MYH10: variants seen among roughly 807,000 people sequenced by gnomAD.
MYH10 encodes the protein myosin-10.
A neutral mutation model predicts 257.8 loss-of-function variants in MYH10; 55 were observed. The ratio of observed to expected loss-of-function variants is 0.21; its 90% CI spans 0.17 to 0.27. The LOEUF is 0.27. Ranked by LOEUF, MYH10 falls within the 10% of genes least tolerant of loss-of-function variation. MYH10 has a pLI of 1.00. For missense variants in MYH10, 1,631 were observed against 2,500.6 expected, an observed-to-expected ratio of 0.65 and a Z score of 7.42; for synonymous variants, 854 against 921.7, an observed-to-expected ratio of 0.93 and a Z score of 1.33.
chr17:8,604,639 AC>A (rs933533242), intron 3 of MYH10, among the ~76,000 whole-genome samples, 186 bp downstream of exon 3: 1 of 152,220 alleles, frequency 6.6e-6, no homozygotes, highest in Non-Finnish European at 1.5e-5. Context: ...TACTTATCAT[AC>A]TTACAGAAAA....
At chr17:8,590,871 G>C (rs1225030058) in intron 3 of MYH10, among the ~76,000 whole-genome samples, 3 of 16,138 alleles carry the variant, frequency 1.9e-4, no homozygotes, top group African/African-American at 2.9e-4. Flanking sequence ...TCTCAATGTC[G>C]CCTTTTTTTT....
At chr17:8,595,910 C>A (rs2084351767) in intron 3 of MYH10, among the ~76,000 whole-genome samples, 1 of 152,124 alleles carries the variant, frequency 6.6e-6, no homozygotes, top group Admixed American at 6.5e-5. Context: ...AAATAATGCT[C>A]TTTGTCCTTG....
At chr17:8,587,459 C>T (rs2083952776) in intron 4 of MYH10, among the ~76,000 whole-genome samples, 2 of 152,182 alleles carry the variant, frequency 1.3e-5, no homozygotes, top group African/African-American at 4.8e-5. Flanking sequence ...TTATTAAATA[C>T]CAAGTCTTCT....
intron 17 of MYH10, 30 bp downstream of exon 17, chr17:8,530,593 T>C: frequency 6.6e-7 from 1 of 1,513,422 alleles, no homozygotes; most frequent in Admixed American, 2.2e-5. Context: ...CCCTTCTGTT[T>C]TGGAAGACCT....
At chr17:8,498,195 A>G (rs1393886512) in intron 30 of MYH10, among the ~76,000 whole-genome samples, 2 of 151,898 alleles carry the variant, frequency 1.3e-5, no homozygotes, top group Non-Finnish European at 2.9e-5. Flanking sequence ...CATGTTGGCC[A>G]GGCTGGTCTC....
chr17:8,528,143 C>T (rs2151917358), intron 17 of MYH10, among the ~76,000 whole-genome samples: 1 of 152,332 alleles, frequency 6.6e-6, no homozygotes, highest in South Asian at 2.1e-4. Context: ...CATGGAGGTT[C>T]AAAGAGCCTA....
chr17:8,498,809 C>G (rs1167414360), intron 30 of MYH10, among the ~76,000 whole-genome samples: 1 of 152,094 alleles, frequency 6.6e-6, no homozygotes, highest in East Asian at 1.9e-4. Context: ...GATTGCGCCA[C>G]TGCACTCCAG....
At chr17:8,505,469 G>C (rs957457680) in intron 27 of MYH10, among the ~76,000 whole-genome samples, 2 of 152,280 alleles carry the variant, frequency 1.3e-5, no homozygotes, top group South Asian at 2.1e-4. Flanking sequence ...TGAGGTAAGG[G>C]AGATTTTTCT....
At chr17:8,608,253 G>T (rs552640469) in intron 2 of MYH10, among the ~76,000 whole-genome samples, 1 of 152,304 alleles carries the variant, frequency 6.6e-6, no homozygotes, top group South Asian at 2.1e-4. Context: ...GCCATACGGA[G>T]AACACATTGA....
intron 29 of MYH10, 49 bp from the exon 30 acceptor site, chr17:8,499,525 C>A: frequency 6.3e-7 from 1 of 1,577,784 alleles, no homozygotes; most frequent in South Asian, 1.1e-5. Context: ...TTCTAAAACT[C>A]CATACAGAGG....
chr17:8,616,947 A>G (rs374268080), intron 2 of MYH10, among the ~76,000 whole-genome samples: 1 of 152,326 alleles, frequency 6.6e-6, no homozygotes, highest in East Asian at 1.9e-4. Flanking sequence ...GAAATACAAC[A>G]GAGTCAAAAA....
At chr17:8,484,586 A>C (rs899355994) in intron 36 of MYH10, among the ~76,000 whole-genome samples, 1 of 152,252 alleles carries the variant, frequency 6.6e-6, no homozygotes, top group African/African-American at 2.4e-5. Flanking sequence ...AATCTTCAAC[A>C]GAATAGTAGC....
At chr17:8,502,255 G>A (rs766476379) in intron 28 of MYH10, among the ~76,000 whole-genome samples, 1 of 152,100 alleles carries the variant, frequency 6.6e-6, no homozygotes, top group Non-Finnish European at 1.5e-5. Flanking sequence ...AAGAGAACAG[G>A]GCCTGGTGGC....
At chr17:8,489,761 T>G (rs1224829050) in intron 35 of MYH10, among the ~76,000 whole-genome samples, 2 of 111,280 alleles carry the variant, frequency 1.8e-5, no homozygotes, top group Non-Finnish European at 3.7e-5. Flanking sequence ...AATCCAAAAC[T>G]TACTGCCATG....
At chr17:8,616,376 A>G (rs986653951) in intron 2 of MYH10, among the ~76,000 whole-genome samples, 37 of 152,320 alleles carry the variant, frequency 2.4e-4, no homozygotes, top group African/African-American at 8.7e-4. Context: ...ATTTTCGGCT[A>G]AACTATAATA....
rs541255427 is a variant in MYH10, at chr17:8,524,449, CAAAAAAA to C, written c.1958-3171_1958-3165del. 5.3e-4 allele frequency among the ~76,000 whole-genome samples: 33 copies of C among 62,158 alleles called. 2 individuals are homozygous for C. Among genetic ancestry groups the C allele is most frequent in the East Asian group, 1.1e-3 (2 of 1,758 alleles). The allele number at this position is 62,158 out of a possible 152,430, so 40.8% of individuals were successfully genotyped here. ...TGGGCAACAGAGCGAGACTCTGTCT[CAAAAAAA>C]AAAAAAAAAAAAAAAAAAAAAAAAA... is the stretch of plus-strand genomic sequence containing the variant. On this transcript the variant is annotated intron_variant, in intron 17 of 42. Transcript: ENST00000360416.
Position 8,492,299 on chromosome 17 carries a change from T to A in MYH10, c.4669A>T (p.Asn1557Tyr). 1 of 1,612,190 alleles carries A rather than the reference T, an allele frequency of 6.2e-7. No individual in the cohort carries two copies. The highest frequency in any genetic ancestry group is 8.5e-7 in the Non-Finnish European group (1 of 1,179,886). ...GTGGAGCCCACCAGGCGACTTACGT[T>A]TTTTCCCACATCATCTTTGGAGCTC... ...LMSSKDDVGK[N>Y]VHELEKSKRA... The change falls in exon 34 of 43, where the codon AAC becomes TAC. Residue 1557 changes from asparagine (N) to tyrosine (Y), a missense_variant and splice_region_variant. By Grantham distance (143) the Asn-to-Tyr change is moderately radical. Coordinates refer to ENST00000360416, the MANE Select transcript of MYH10 (RefSeq NM_001256012.3).
rs2082111852 is a variant in MYH10 at position 8,535,312 on chromosome 17, T to A, written c.1894+75A>T. The A allele has an allele frequency of 9.0e-7, 1 of 1,117,286 alleles. No homozygotes were observed. Among genetic ancestry groups the A allele is most frequent in the South Asian group, 1.5e-5 (1 of 66,010 alleles). The allele number at this position is 1,117,286 out of a possible 1,614,324, so 69.2% of individuals were successfully genotyped here. A position where few individuals can be genotyped will look rare whatever the true frequency, so the allele number is the denominator to read the frequency against. On this transcript the variant is annotated intron_variant, in intron 16 of 42. Coordinates refer to ENST00000360416, the MANE Select transcript of MYH10 (RefSeq NM_001256012.3). The surrounding 1 kb of genome is among the most constrained non-coding windows in gnomAD (Gnocchi z 4.3). ...GAAGTTATATGTATCCATATATATG[T>A]AAAAGAACCATCTATAAACCTTAAT...
chr17:8,538,338 T>A (rs2082201429), intron 14 of MYH10, among the ~76,000 whole-genome samples: 2 of 152,164 alleles, frequency 1.3e-5, no homozygotes, highest in Admixed American at 1.3e-4. Context: ...CCCGAGTAGC[T>A]GGGATTACAG....
Sources: allele counts gnomAD v4.1 joint callset (sites outside exome capture counted in the v4.1 genomes callset), GRCh38; gene constraint gnomAD v4.1.1; non-coding constraint Gnocchi (gnomAD v3.1); transcripts MANE v1.5; gene names NCBI Gene and HGNC (gene_info 2026-07-23, HGNC 2026-07-21).